The following INPP4A variants were observed in gnomAD, a reference collection of about 807,000 sequenced individuals.
INPP4A encodes the protein inositol polyphosphate-4-phosphatase type I A.
INPP4A carries 33 observed loss-of-function variants against 119.8 expected under a neutral mutation model. The ratio of observed to expected loss-of-function variants is 0.28; its 90% CI spans 0.21 to 0.37. INPP4A has a LOEUF of 0.37. Ranked by LOEUF, INPP4A falls within the 10% of genes least tolerant of loss-of-function variation. The pLI is 1.00. For missense variants in INPP4A, 956 were observed against 1,289.9 expected (o/e 0.74, Z 3.97); for synonymous variants, 496 against 500.7 (o/e 0.99, Z 0.12).
At chr2:98,534,190 T>C (rs1332345532) in intron 5 of INPP4A, among the ~76,000 whole-genome samples, 4 of 152,228 alleles carry the variant, frequency 2.6e-5, no homozygotes, top group African/African-American at 9.6e-5. Context: ...CGTCAACAAT[T>C]CTGCTTTCTA....
chr2:98,485,405 T>TG (rs1679333375), intron 1 of INPP4A, among the ~76,000 whole-genome samples: 1 of 152,198 alleles, frequency 6.6e-6, no homozygotes, highest in African/African-American at 2.4e-5. Context: ...TTAAGGTATC[T>TG]GTGGGGGGTG....
chr2:98,454,122 T>G (rs1695679235), intron 1 of INPP4A, among the ~76,000 whole-genome samples: 1 of 152,148 alleles, frequency 6.6e-6, no homozygotes, highest in East Asian at 1.9e-4. Flanking sequence ...AAAATTTAAC[T>G]CTGGATGCCA....
intron 24 of INPP4A, among the ~76,000 whole-genome samples, chr2:98,579,074 A>C (rs1396685287): frequency 6.9e-6 from 1 of 145,128 alleles, no homozygotes; most frequent in Non-Finnish European, 1.5e-5. Context: ...TTTTTTTGAG[A>C]TGGAATCTTG....
chr2:98,481,985 C>T (rs980037893), intron 1 of INPP4A, among the ~76,000 whole-genome samples: 3 of 152,218 alleles, frequency 2.0e-5, no homozygotes, highest in African/African-American at 7.2e-5. Flanking sequence ...ACACTGTGTA[C>T]TTTAAAAGCT....
Position 98,554,146 on chromosome 2 carries a change from A to G in INPP4A, c.1348-125A>G. The stretch of plus-strand genomic sequence containing the variant: ...GGATGTAGCCCTTCAGTTGCTTTGC[A>G]CTGTGGAGAAAGGCAGAGGGGTGCA... On this transcript the variant is annotated intron_variant, in intron 14 of 24. Transcript: ENST00000409851. This position sits in a 1 kb window ranked among gnomAD's most constrained non-coding sequence, Gnocchi z 4.7. 5 of 692,452 alleles carry G rather than the reference A, an allele frequency of 7.2e-6. No individual in the cohort carries two copies. The highest frequency in any genetic ancestry group is 4.1e-4 in the Middle Eastern group (1 of 2,424). The allele number at this position is 692,452 out of a possible 1,614,324, so 42.9% of individuals were successfully genotyped here.
intron 1 of INPP4A, 148 bp from the exon 2 acceptor site, chr2:98,518,816 C>CT (rs1478550348): frequency 6.6e-6 from 1 of 152,218 alleles, no homozygotes; most frequent in Non-Finnish European, 1.5e-5. Context: ...TTGAGCAAAA[C>CT]TTGTATTTTT....
At chr2:98,462,417 T>C (rs990673209) in intron 1 of INPP4A, among the ~76,000 whole-genome samples, 3 of 152,184 alleles carry the variant, frequency 2.0e-5, no homozygotes. Context: ...CACTGCACTT[T>C]AGCCTGGGCA....
chr2:98,565,249 A>C (rs1307129247), intron 19 of INPP4A, among the ~76,000 whole-genome samples: 1 of 152,248 alleles, frequency 6.6e-6, no homozygotes, highest in Non-Finnish European at 1.5e-5. Flanking sequence ...AGGACATCGA[A>C]TAGATATCAA....
At chr2:98,488,215 A>G (rs1679945778) in intron 1 of INPP4A, among the ~76,000 whole-genome samples, 1 of 152,062 alleles carries the variant, frequency 6.6e-6, no homozygotes, top group African/African-American at 2.4e-5. Context: ...CATCTTGTGT[A>G]TCTCCTATCC....
At chr2:98,523,429 C>T (rs1284898784) in intron 4 of INPP4A, among the ~76,000 whole-genome samples, 5 of 149,474 alleles carry the variant, frequency 3.3e-5, no homozygotes, top group African/African-American at 9.9e-5. Context: ...GAGTCTCTCT[C>T]TGTCTCCCGG....
chr2:98,493,317 C>T (rs1156386671), intron 1 of INPP4A, among the ~76,000 whole-genome samples: 1 of 152,060 alleles, frequency 6.6e-6, no homozygotes, highest in African/African-American at 2.4e-5. Flanking sequence ...ACCCCGACTT[C>T]CTGGTGACTG....
chr2:98,446,688 T>C (rs747587592), intron 1 of INPP4A, among the ~76,000 whole-genome samples: 5 of 152,216 alleles, frequency 3.3e-5, no homozygotes, highest in Non-Finnish European at 7.3e-5. Flanking sequence ...ACTCATCATG[T>C]AGCTACTTTT....
chr2:98,581,553 C>T, intron 24 of INPP4A: 1 of 1,487,150 alleles, frequency 6.7e-7, no homozygotes, highest in Non-Finnish European at 8.9e-7. Context: ...TTTTCTTTCT[C>T]CCAAACTTTT....
intron 4 of INPP4A, among the ~76,000 whole-genome samples, chr2:98,528,051 C>T (rs1688497552): frequency 6.6e-6 from 1 of 152,130 alleles, no homozygotes; most frequent in African/African-American, 2.4e-5. Context: ...TAGAAACCAT[C>T]CCTAGGAGGC....
chr2:98,577,545 GAT>G (rs1411091225), intron 24 of INPP4A, among the ~76,000 whole-genome samples: 1 of 152,250 alleles, frequency 6.6e-6, no homozygotes, highest in Admixed American at 6.5e-5. Context: ...TGTATATATT[GAT>G]ATCTGTACAT....
chr2:98,526,829 C>T (rs576654565), intron 4 of INPP4A, among the ~76,000 whole-genome samples: 37 of 152,150 alleles, frequency 2.4e-4, no homozygotes, highest in Non-Finnish European at 3.5e-4. Flanking sequence ...AAAGCGGGAG[C>T]GAGCATCTTA....
chr2:98,584,540 C>G (rs1302560863), intron 24 of INPP4A, among the ~76,000 whole-genome samples: 1 of 152,280 alleles, frequency 6.6e-6, no homozygotes, highest in Non-Finnish European at 1.5e-5. Flanking sequence ...AGGAGCCCCT[C>G]CCAGGGGGCC....
chr2:98,566,250 T>C lies in INPP4A; in HGVS notation c.2420+81T>C. The stretch of plus-strand genomic sequence containing the variant: ...AAAACGTACTTACCCCTCTTCAGGC[T>C]CTAAGTGCTGGACAGACTTTGTCAT... On this transcript the variant is annotated intron_variant, in intron 21 of 24. Coordinates refer to ENST00000409851, the MANE Select transcript of INPP4A (RefSeq NM_001134225.2). This position sits in a 1 kb window ranked among gnomAD's most constrained non-coding sequence, Gnocchi z 4.2. 7.2e-7 allele frequency: 1 copy of C among 1,390,310 alleles called. No individual in the cohort carries two copies. Among genetic ancestry groups the C allele is most frequent in the Non-Finnish European group, 9.6e-7 (1 of 1,040,422 alleles). The allele number at this position is 1,390,310 out of a possible 1,614,324, so 86.1% of individuals were successfully genotyped here. A position where few individuals can be genotyped will look rare whatever the true frequency, so the allele number is the denominator to read the frequency against.
chr2:98,543,131 A>G (rs1691817503), intron 10 of INPP4A, among the ~76,000 whole-genome samples: 1 of 152,174 alleles, frequency 6.6e-6, no homozygotes, highest in African/African-American at 2.4e-5. Context: ...CATGTTAGCC[A>G]GGATGGTCTC....
Sources: gnomAD v4.1 joint callset for allele counts (sites outside exome capture counted in the v4.1 genomes callset) on GRCh38, gnomAD v4.1.1 for gene constraint, Gnocchi (gnomAD v3.1) non-coding constraint, MANE v1.5 for transcripts, NCBI Gene and HGNC (gene_info 2026-07-23, HGNC 2026-07-21) for gene names.